The following PPFIA2 variants were observed in gnomAD, a reference collection of about 807,000 sequenced individuals.
PPFIA2 encodes liprin-alpha-2.
PPFIA2 carries 46 observed loss-of-function variants against 175.5 expected under a neutral mutation model. The ratio of observed to expected loss-of-function variants is 0.26; its 90% CI spans 0.21 to 0.34. The LOEUF (loss-of-function observed/expected upper bound fraction) is 0.34, where lower values mean the gene tolerates loss of function less well. Ranked by LOEUF, PPFIA2 falls within the 10% of genes least tolerant of loss-of-function variation. The probability of loss-of-function intolerance (pLI) is 1.00; values close to 1 mark genes in which losing one functional copy is unlikely to be tolerated. For missense variants in PPFIA2, 1,179 were observed against 1,506.1 expected, an observed-to-expected ratio of 0.78 and a Z score of 3.60; for synonymous variants, 568 against 511.4, an observed-to-expected ratio of 1.11 and a Z score of -1.49.
At chr12:81,426,868 G>T (rs1320309963) in intron 7 of PPFIA2, among the ~76,000 whole-genome samples, 2 of 151,982 alleles carry the variant, frequency 1.3e-5, no homozygotes, top group African/African-American at 4.8e-5. Context: ...CCACTGCAAT[G>T]TTCTCATGCT....
At chr12:81,631,572 C>G (rs146191458) in intron 4 of PPFIA2, among the ~76,000 whole-genome samples, 18 of 152,278 alleles carry the variant, frequency 1.2e-4, no homozygotes, top group African/African-American at 3.9e-4. Context: ...TCAAAGTATA[C>G]GTTTTTCATT....
At chr12:81,571,433 G>A (rs1178304623) in intron 4 of PPFIA2, among the ~76,000 whole-genome samples, 2 of 152,138 alleles carry the variant, frequency 1.3e-5, no homozygotes, top group African/African-American at 4.8e-5. Flanking sequence ...CAACGTAACC[G>A]AGCAGCTTAT....
chr12:81,429,866 G>A (rs2047781344), intron 7 of PPFIA2: 1 of 152,062 alleles, frequency 6.6e-6, no homozygotes, highest in African/African-American at 2.4e-5. Flanking sequence ...AACTTAATGA[G>A]AACCTCATCT....
intron 8 of PPFIA2, among the ~76,000 whole-genome samples, chr12:81,398,475 T>C (rs1426988560): frequency 6.6e-6 from 1 of 151,282 alleles, no homozygotes; most frequent in Non-Finnish European, 1.5e-5. Context: ...CCCTCCATAG[T>C]TCACATTTAT....
At chr12:81,532,336 A>C (rs1411127501) in intron 4 of PPFIA2, among the ~76,000 whole-genome samples, 2 of 151,752 alleles carry the variant, frequency 1.3e-5, no homozygotes, top group African/African-American at 2.4e-5. Flanking sequence ...GAGAGAAAAA[A>C]AGAAAGTGAG....
intron 4 of PPFIA2, among the ~76,000 whole-genome samples, chr12:81,575,801 A>C (rs2073419960): frequency 6.6e-6 from 1 of 151,734 alleles, no homozygotes; most frequent in Non-Finnish European, 1.5e-5. Context: ...GAAATGAGAA[A>C]GAAGTTTACT....
intron 9 of PPFIA2, 104 bp from the exon 10 acceptor site, chr12:81,376,046 G>T: frequency 9.6e-7 from 1 of 1,039,450 alleles, no homozygotes; most frequent in Non-Finnish European, 1.4e-6. Context: ...TTGCATTCTT[G>T]AAGTAAATAC....
At chr12:81,463,298 G>A (rs2054991686) in intron 4 of PPFIA2, among the ~76,000 whole-genome samples, 1 of 152,074 alleles carries the variant, frequency 6.6e-6, no homozygotes, top group African/African-American at 2.4e-5. Context: ...ATGTTAGAAG[G>A]AAACTTTATT....
In PPFIA2 at chr12:81,548,941, A is replaced by T. The variant is rs73360689; in HGVS notation, c.304-91075T>A. Among the ~76,000 whole-genome samples, 1,321 of 152,300 alleles carry T rather than the reference A, an allele frequency of 8.7e-3. 14 individuals are homozygous for T. Among genetic ancestry groups the T allele is most frequent in the African/African-American group, 0.03 (1,254 of 41,594 alleles). On this transcript the variant is annotated intron_variant, in intron 4 of 32. Transcript: ENST00000549396. The stretch of plus-strand genomic sequence containing the variant: ...ACTTACTATGGAACTATACAACTAA[A>T]TATGCAAAGACAATATTTGTGTTAT...
At chr12:81,278,808 T>A (rs1359353305) in intron 27 of PPFIA2, among the ~76,000 whole-genome samples, 1 of 152,172 alleles carries the variant, frequency 6.6e-6, no homozygotes, top group African/African-American at 2.4e-5. Flanking sequence ...TAAAGATCAT[T>A]GATTATCAGT....
chr12:81,552,748 T>C (rs1372568346), intron 4 of PPFIA2, among the ~76,000 whole-genome samples: 1 of 152,066 alleles, frequency 6.6e-6, no homozygotes, highest in Non-Finnish European at 1.5e-5. Flanking sequence ...TTTACATAAG[T>C]GAAAAAGTAG....
At chr12:81,276,792 A>G (rs1041435444) in intron 28 of PPFIA2, among the ~76,000 whole-genome samples, 4 of 152,230 alleles carry the variant, frequency 2.6e-5, no homozygotes, top group Non-Finnish European at 1.5e-5. Context: ...TAATATTACC[A>G]GCTAAAATTA....
intron 5 of PPFIA2, among the ~76,000 whole-genome samples, chr12:81,446,512 A>G (rs1225233847): frequency 6.6e-6 from 1 of 152,244 alleles, no homozygotes; most frequent in Non-Finnish European, 1.5e-5. Context: ...GCTAAAAAAC[A>G]AAGATACATG....
At chr12:81,376,242 A>T (rs1371198565) in intron 9 of PPFIA2, among the ~76,000 whole-genome samples, 1 of 152,192 alleles carries the variant, frequency 6.6e-6, no homozygotes, top group Admixed American at 6.5e-5. Context: ...CAGATAAATT[A>T]GTTCATTATG....
Position 81,487,857 on chromosome 12 carries a change from G to A in PPFIA2, c.304-29991C>T, listed in dbSNP as rs1276944953. 1.2e-4 allele frequency among the ~76,000 whole-genome samples: 18 copies of A among 151,806 alleles called. 1 individual carries two copies. Among genetic ancestry groups the A allele is most frequent in the Admixed American group, 4.6e-4 (7 of 15,192 alleles). On this transcript the variant is annotated intron_variant, in intron 4 of 32. Transcript: ENST00000549396. Reference sequence around the variant, plus strand: ...ATAATTAATATAAATGACCATAGAAGGCAAAAGAAATATATCATATTTAAA... The same window carrying A: ...ATAATTAATATAAATGACCATAGAAAGCAAAAGAAATATATCATATTTAAA...
intron 7 of PPFIA2, among the ~76,000 whole-genome samples, chr12:81,412,968 C>T (rs534412094): frequency 6.6e-6 from 1 of 151,862 alleles, no homozygotes; most frequent in Non-Finnish European, 1.5e-5. Flanking sequence ...CCTGGGTAAC[C>T]TTTGTTCCTC....
intron 3 of PPFIA2, among the ~76,000 whole-genome samples, chr12:81,689,462 T>C (rs1051630948): frequency 6.6e-6 from 1 of 152,006 alleles, no homozygotes; most frequent in Non-Finnish European, 1.5e-5. Flanking sequence ...AATAATACTA[T>C]TGAATGGAAA....
intron 4 of PPFIA2, among the ~76,000 whole-genome samples, chr12:81,607,742 A>G (rs1475818258): frequency 6.6e-6 from 1 of 152,142 alleles, no homozygotes; most frequent in African/African-American, 2.4e-5. Context: ...TCATCAGTGA[A>G]GAGAGATATT....
chr12:81,519,888 A>G (rs929113332), intron 4 of PPFIA2, among the ~76,000 whole-genome samples: 2 of 152,234 alleles, frequency 1.3e-5, no homozygotes, highest in African/African-American at 2.4e-5. Flanking sequence ...CTTTCCCTGT[A>G]TATATGTACA....
Sources: allele counts gnomAD v4.1 joint callset (sites outside exome capture counted in the v4.1 genomes callset), GRCh38; gene constraint gnomAD v4.1.1; transcripts MANE v1.5; gene names NCBI Gene and HGNC (gene_info 2026-07-23, HGNC 2026-07-21).